Variants in ATP11B observed in about 807,000 individuals in gnomAD.
ATP11B encodes the protein phospholipid-transporting ATPase IF.
ATP11B carries 81 observed loss-of-function variants against 157.8 expected under a neutral mutation model. The ratio of observed to expected loss-of-function variants is 0.51; its 90% CI spans 0.43 to 0.62. ATP11B has a LOEUF of 0.62. Among genes scored for constraint, ATP11B ranks in the 20% least tolerant of loss-of-function variants. The pLI, the probability that ATP11B is intolerant of heterozygous loss-of-function variation, is 0.00. For synonymous variants in ATP11B, 451 were observed against 469.4 expected (o/e 0.96, Z 0.51); for missense variants, 1,165 against 1,402.2 (o/e 0.83, Z 2.70).
chr3:182,903,125 C>T (rs1724083830), intron 28 of ATP11B, among the ~76,000 whole-genome samples: 1 of 151,806 alleles, frequency 6.6e-6, no homozygotes, highest in African/African-American at 2.4e-5. Flanking sequence ...TCAGTTTGTA[C>T]AAAAAATAAT....
At chr3:182,870,099 G>A (rs541697249) in intron 17 of ATP11B, among the ~76,000 whole-genome samples, 1 of 152,296 alleles carries the variant, frequency 6.6e-6, no homozygotes, top group East Asian at 1.9e-4. Context: ...CTGGAGGAAG[G>A]GGAAAAAGGA....
rs1265674602 is a variant in ATP11B at position 182,911,373 on chromosome 3, C to G, written c.3319-2488C>G. Among the ~76,000 whole-genome samples the G allele has an allele frequency of 2.7e-5, 4 of 148,072 alleles. No individual in the cohort carries two copies. In the Admixed American group the frequency reaches 2.8e-4, roughly 10 times the overall value. On this transcript the variant is annotated intron_variant, in intron 28 of 29. Coordinates refer to ENST00000323116, the MANE Select transcript of ATP11B (RefSeq NM_014616.3). ...ACCACTAACAGCAGCTGGGTTTGAG[C>G]TTTCCCTCCTGTTTTCTGAGTAGTC...
intron 28 of ATP11B, among the ~76,000 whole-genome samples, chr3:182,912,847 A>G (rs1724886897): frequency 6.6e-6 from 1 of 152,138 alleles, no homozygotes; most frequent in Non-Finnish European, 1.5e-5. Context: ...CTCTATCCTC[A>G]AAAGATGTGT....
intron 4 of ATP11B, among the ~76,000 whole-genome samples, chr3:182,831,885 T>C: frequency 6.6e-6 from 1 of 152,146 alleles, no homozygotes; most frequent in East Asian, 1.9e-4. Flanking sequence ...GCCAGATAAT[T>C]TATTCTATAT....
intron 28 of ATP11B, among the ~76,000 whole-genome samples, chr3:182,912,017 C>A (rs1432180931): frequency 6.6e-6 from 1 of 152,040 alleles, no homozygotes; most frequent in African/African-American, 2.4e-5. Context: ...GGAAGCAGAG[C>A]AGGAAAGGCA....
intron 22 of ATP11B, 129 bp downstream of exon 22, chr3:182,885,027 A>G: frequency 1.6e-6 from 1 of 616,306 alleles, no homozygotes; most frequent in Non-Finnish European, 2.5e-6. Flanking sequence ...ATTTTGTCAT[A>G]AATCTATTCT....
intron 28 of ATP11B, among the ~76,000 whole-genome samples, chr3:182,904,260 G>A (rs1385292901): frequency 6.6e-6 from 1 of 152,194 alleles, no homozygotes; most frequent in African/African-American, 2.4e-5. Flanking sequence ...ATTGTGGTCT[G>A]TTTATTTACC....
intron 2 of ATP11B, among the ~76,000 whole-genome samples, chr3:182,821,387 A>T (rs766984445): frequency 1.3e-5 from 2 of 152,160 alleles, no homozygotes; most frequent in Non-Finnish European, 2.9e-5. Flanking sequence ...GATTACAGGT[A>T]TGAGCCACTG....
At chr3:182,850,896 A>G (rs1719925606) in intron 10 of ATP11B, among the ~76,000 whole-genome samples, 1 of 152,230 alleles carries the variant, frequency 6.6e-6, no homozygotes, top group Non-Finnish European at 1.5e-5. Context: ...AAAGGTATAC[A>G]TACCCACACA....
At chr3:182,829,201 G>A (rs1218773498) in intron 3 of ATP11B, among the ~76,000 whole-genome samples, 1 of 152,078 alleles carries the variant, frequency 6.6e-6, no homozygotes, top group African/African-American at 2.4e-5. Context: ...AATTTAATGG[G>A]CCTATCCGGA....
intron 28 of ATP11B, among the ~76,000 whole-genome samples, chr3:182,907,433 A>G (rs1441684437): frequency 6.6e-6 from 1 of 152,236 alleles, no homozygotes; most frequent in Non-Finnish European, 1.5e-5. Context: ...AATCTGGACT[A>G]TTCTATAAGA....
chr3:182,904,888 TAA>T (rs1004716420), intron 28 of ATP11B, among the ~76,000 whole-genome samples: 8 of 101,880 alleles, frequency 7.9e-5, no homozygotes, highest in Admixed American at 1.0e-4. Context: ...GACTTCTTCT[TAA>T]AAAAAAAAAA....
At chr3:182,903,435 A>T (rs756475638) in intron 28 of ATP11B, among the ~76,000 whole-genome samples, 14 of 152,132 alleles carry the variant, frequency 9.2e-5, no homozygotes, top group Non-Finnish European at 1.6e-4. Flanking sequence ...TGTTCATCTG[A>T]TCAAATGAAT....
Position 182,869,134 on chromosome 3 carries a change from T to G in ATP11B, c.1745T>G (p.Ile582Ser). The change falls in exon 16 of 30, where the codon ATT (isoleucine) becomes AGT (serine). Residue 582 changes from isoleucine to serine, a missense_variant. Transcript: ENST00000323116. ...FDSDRRRMSV[I>S]VQAPSGEKLL... ...TCAGATCGTAGGAGAATGAGTGTAA[T>G]TGTTCAGGCACCTTCAGGTAACCAA... The G allele has an allele frequency of 6.2e-7, 1 of 1,611,840 alleles. No homozygotes were observed. Among genetic ancestry groups the G allele is most frequent in the Non-Finnish European group, 8.5e-7 (1 of 1,178,722 alleles).
chr3:182,837,788 G>A (rs1435337495), intron 7 of ATP11B, among the ~76,000 whole-genome samples: 1 of 151,880 alleles, frequency 6.6e-6, no homozygotes, highest in Non-Finnish European at 1.5e-5. Context: ...GTTTCTGAAA[G>A]GAGAGAAAGG....
intron 10 of ATP11B, among the ~76,000 whole-genome samples, chr3:182,850,270 C>T (rs1283284775): frequency 1.3e-5 from 2 of 152,044 alleles, no homozygotes; most frequent in Non-Finnish European, 2.9e-5. Flanking sequence ...GTCAGGAGTT[C>T]GAGACCAGCC....
chr3:182,833,752 A>C (rs1279448863), intron 4 of ATP11B: 2 of 152,222 alleles, frequency 1.3e-5, no homozygotes, highest in African/African-American at 4.8e-5. Flanking sequence ...ATTCTCATGG[A>C]GGAAATATTA....
intron 21 of ATP11B, among the ~76,000 whole-genome samples, chr3:182,881,978 A>T (rs768909096): frequency 1.1e-4 from 17 of 152,156 alleles, no homozygotes; most frequent in Non-Finnish European, 2.5e-4. Flanking sequence ...TTAGATTCAG[A>T]CTGCTAATGT....
At chr3:182,891,175 C>T (rs1376154839) in intron 25 of ATP11B, among the ~76,000 whole-genome samples, 1 of 152,142 alleles carries the variant, frequency 6.6e-6, no homozygotes, top group Non-Finnish European at 1.5e-5. Context: ...TGCTCACTTC[C>T]ACCTGAAATA....
Sources: allele counts gnomAD v4.1 joint callset (sites outside exome capture counted in the v4.1 genomes callset), GRCh38; gene constraint gnomAD v4.1.1; transcripts MANE v1.5; gene names NCBI Gene and HGNC (gene_info 2026-07-23, HGNC 2026-07-21).